Variants in PHACTR2 observed in about 807,000 individuals in gnomAD.
PHACTR2 encodes the protein phosphatase and actin regulator 2.
In PHACTR2, 30 loss-of-function variants were observed where a neutral mutation model predicts 76.0. The ratio of observed to expected loss-of-function variants is 0.39; its 90% CI spans 0.30 to 0.54. The LOEUF (loss-of-function observed/expected upper bound fraction) is 0.54, where lower values mean the gene tolerates loss of function less well. PHACTR2 is among the 20% of genes least tolerant of loss of function. PHACTR2 has a pLI of 0.61. For missense variants in PHACTR2, 696 were observed against 781.1 expected (o/e 0.89, Z 1.30); for synonymous variants, 292 against 292.5 (o/e 1.00, Z 0.02).
chr6:143,762,253 A>G (rs531032833), intron 5 of PHACTR2, among the ~76,000 whole-genome samples: 1 of 152,344 alleles, frequency 6.6e-6, no homozygotes, highest in African/African-American at 2.4e-5. Context: ...TCCACGTGGT[A>G]GTGGCTCACT....
chr6:143,709,491 A>G lies in PHACTR2; in HGVS notation c.47-2525A>G, dbSNP rs907550860. 6.6e-6 allele frequency among the ~76,000 whole-genome samples: 1 copy of G among 152,172 alleles called. No individual in the cohort carries two copies. The highest frequency in any genetic ancestry group is 6.5e-5 in the Admixed American group (1 of 15,280). Reference sequence around the variant, plus strand: ...GTGTGTCAAGTGATTTTCGATGGAAACTTGGACATTTTTGTATTATGTTAT... The same window carrying G: ...GTGTGTCAAGTGATTTTCGATGGAAGCTTGGACATTTTTGTATTATGTTAT... On this transcript the variant is annotated intron_variant, in intron 1 of 12. Transcript: ENST00000440869. This position sits in a 1 kb window ranked among gnomAD's most constrained non-coding sequence, Gnocchi z 4.4.
intron 2 of PHACTR2, among the ~76,000 whole-genome samples, chr6:143,719,653 A>G (rs1189078611): frequency 4.0e-5 from 6 of 149,738 alleles, no homozygotes; most frequent in Non-Finnish European, 8.9e-5. Context: ...CCTGGCCTAG[A>G]AGTGCTTTTA....
Position 143,761,669 on chromosome 6 carries a change from G to A in PHACTR2, c.694+1029G>A, listed in dbSNP as rs980064592. On this transcript the variant is annotated intron_variant, in intron 5 of 12. Coordinates refer to ENST00000440869, the MANE Select transcript of PHACTR2 (RefSeq NM_001100164.2). This position sits in a 1 kb window ranked among gnomAD's most constrained non-coding sequence, Gnocchi z 5.2. ...CTCAGGAGGCTGAGGCAGGAAAATC[G>A]CTTGAACCCAGGAGGCAGAAGTTGC... 6.6e-6 allele frequency among the ~76,000 whole-genome samples: 1 copy of A among 151,896 alleles called. No individual in the cohort carries two copies. Among genetic ancestry groups the A allele is most frequent in the Admixed American group, 6.6e-5 (1 of 15,246 alleles).
At chr6:143,736,005 A>G (rs118129074) in intron 2 of PHACTR2, among the ~76,000 whole-genome samples, 1,596 of 152,260 alleles carry the variant, frequency 0.01, 13 homozygotes, top group South Asian at 0.048. Context: ...AGTATTTACT[A>G]TGTGTCAGGC....
At position 143,627,787 on chromosome 6, in the gene PHACTR2, G is replaced by A. The variant is rs1189858785; in HGVS notation, c.13+19465G>A. 2.6e-5 allele frequency among the ~76,000 whole-genome samples: 4 copies of A among 151,988 alleles called. No homozygotes were observed. The highest frequency in any genetic ancestry group is 2.6e-4 in the Admixed American group (4 of 15,248). ...CAGCTAATTTTTTGTATTTTTAGTAGAGATGGAGTTTCACTATGTTAGCCA... is the reference window on the plus strand; with the variant it reads ...CAGCTAATTTTTTGTATTTTTAGTAAAGATGGAGTTTCACTATGTTAGCCA... On this transcript the variant is annotated intron_variant, in intron 1 of 11. Transcript: ENST00000305766. The surrounding 1 kb of genome is among the most constrained non-coding windows in gnomAD (Gnocchi z 4.3).
chr6:143,788,073 T>G (rs745754224), intron 10 of PHACTR2, among the ~76,000 whole-genome samples: 2 of 152,338 alleles, frequency 1.3e-5, no homozygotes, highest in Non-Finnish European at 2.9e-5. Flanking sequence ...CAAATCTGAA[T>G]TTGACAAAGA....
intron 1 of PHACTR2, among the ~76,000 whole-genome samples, chr6:143,576,830 C>T (rs1203102602): frequency 1.5e-5 from 2 of 137,234 alleles, no homozygotes; most frequent in African/African-American, 5.5e-5. Flanking sequence ...GAGCCGAACT[C>T]GTACCACTAC....
chr6:143,749,166 G>A (rs1009424850), intron 3 of PHACTR2, 101 bp downstream of exon 3: 2 of 662,328 alleles, frequency 3.0e-6, no homozygotes, highest in Admixed American at 2.6e-5. Context: ...TCTTTGTAAG[G>A]TAAAGCGGTG....
chr6:143,743,882 A>C lies in PHACTR2; in HGVS notation c.215-5103A>C, dbSNP rs1301061136. 6.6e-6 allele frequency among the ~76,000 whole-genome samples: 1 copy of C among 152,228 alleles called. No individual in the cohort carries two copies. The highest frequency in any genetic ancestry group is 2.4e-5 in the African/African-American group (1 of 41,464). The stretch of plus-strand genomic sequence containing the variant: ...TCCTCGCCAAAGAAAAACACAAGTG[A>C]CTTGTTGACTACAAGATTTACTCTC... On this transcript the variant is annotated intron_variant, in intron 2 of 12. Transcript: ENST00000440869. The surrounding 1 kb of genome is among the most constrained non-coding windows in gnomAD (Gnocchi z 5.0).
At position 143,570,383 on chromosome 6, in the gene PHACTR2, T is replaced by C. The variant is rs1372150842; in HGVS notation, c.217+33176T>C. On this transcript the variant is annotated intron_variant, in intron 1 of 11. Transcript: ENST00000367584. The surrounding 1 kb of genome is among the most constrained non-coding windows in gnomAD (Gnocchi z 4.6). ...CTTATGCAGGGTTTGTACTTCGGCT[T>C]CTCTCACTGTGCTGGAGATTAAAAT... 2.0e-5 allele frequency among the ~76,000 whole-genome samples: 3 copies of C among 152,182 alleles called. No homozygotes were observed. The highest frequency in any genetic ancestry group is 7.2e-5 in the African/African-American group (3 of 41,442).
intron 1 of PHACTR2, among the ~76,000 whole-genome samples, chr6:143,645,625 A>G (rs2128445010): frequency 6.6e-6 from 1 of 152,306 alleles, no homozygotes; most frequent in Non-Finnish European, 1.5e-5. Context: ...GAAAAATTTA[A>G]GTGACTATAT....
rs1399118915 is a variant in PHACTR2, at chr6:143,652,560, A to G, written c.13+44238A>G. 6.6e-6 allele frequency among the ~76,000 whole-genome samples: 1 copy of G among 152,310 alleles called. No individual in the cohort carries two copies. Among genetic ancestry groups the G allele is most frequent in the Non-Finnish European group, 1.5e-5 (1 of 68,030 alleles). On this transcript the variant is annotated intron_variant, in intron 1 of 11. Transcript: ENST00000305766. This position sits in a 1 kb window ranked among gnomAD's most constrained non-coding sequence, Gnocchi z 4.5. ...CTTGTGGATATTTGTGAGTACACTT[A>G]AGTGTTTTTGTTTTCCACTATGCTA...
Position 143,571,053 on chromosome 6 carries a change from G to A in PHACTR2, c.217+33846G>A, listed in dbSNP as rs1010216972. Among the ~76,000 whole-genome samples the A allele has an allele frequency of 1.3e-5, 2 of 152,034 alleles. No individual in the cohort carries two copies. The highest frequency in any genetic ancestry group is 2.1e-4 in the South Asian group (1 of 4,820). On this transcript the variant is annotated intron_variant, in intron 1 of 11. Transcript: ENST00000367584. This position sits in a 1 kb window ranked among gnomAD's most constrained non-coding sequence, Gnocchi z 4.6. ...TGCAAAACTGGTACATGGAGTTCTC[G>A]TATACTCTTCACCTGGACTCCCCAA...
In PHACTR2 at chr6:143,539,236, C is replaced by CG. The variant is rs1361451396; in HGVS notation, c.217+2031dup. 6.6e-6 allele frequency among the ~76,000 whole-genome samples: 1 copy of CG among 152,186 alleles called. No homozygotes were observed. The highest frequency in any genetic ancestry group is 1.5e-5 in the Non-Finnish European group (1 of 68,032). On this transcript the variant is annotated intron_variant, in intron 1 of 11. Transcript: ENST00000367584. This position sits in a 1 kb window ranked among gnomAD's most constrained non-coding sequence, Gnocchi z 4.3. ...CTTTGTCTTTTCTGTGTCCTCTTAA[C>CG]GGATGCTAGGAAGTGAAACCTTTCA...
rs562985484 is a variant in PHACTR2, at chr6:143,777,128, CTG to C, written c.1590-196_1590-195del. Among the ~76,000 whole-genome samples, 71 of 152,244 alleles carry C rather than the reference CTG, an allele frequency of 4.7e-4. No individual in the cohort carries two copies. Among genetic ancestry groups the C allele is most frequent in the African/African-American group, 1.7e-3 (70 of 41,540 alleles). On this transcript the variant is annotated intron_variant, in intron 8 of 12. Coordinates refer to ENST00000440869, the MANE Select transcript of PHACTR2 (RefSeq NM_001100164.2). This position sits in a 1 kb window ranked among gnomAD's most constrained non-coding sequence, Gnocchi z 4.6. ...GCTCTGTTGCTAAAAGGAAAGGAGA[CTG>C]TGTAATGGGGGTCGGTGAGCAGCCT... is the stretch of plus-strand genomic sequence containing the variant.
Position 143,546,976 on chromosome 6 carries a change from G to A in PHACTR2, c.217+9769G>A, listed in dbSNP as rs1342234120. Among the ~76,000 whole-genome samples the A allele has an allele frequency of 6.6e-6, 1 of 152,076 alleles. No homozygotes were observed. Among genetic ancestry groups the A allele is most frequent in the Admixed American group, 6.6e-5 (1 of 15,264 alleles). On this transcript the variant is annotated intron_variant, in intron 1 of 11. Transcript: ENST00000367584. The surrounding 1 kb of genome is among the most constrained non-coding windows in gnomAD (Gnocchi z 4.9). ...TGCTTGAATCCAGCAGTTCGATGCT[G>A]CAGTGAGCTGTGATTGTGGCACTGC...
At chr6:143,748,090 A>C (rs1441853693) in intron 2 of PHACTR2, among the ~76,000 whole-genome samples, 1 of 150,376 alleles carries the variant, frequency 6.6e-6, no homozygotes, top group Non-Finnish European at 1.5e-5. Context: ...TCTGAGATGG[A>C]GTTTCGCTCT....
chr6:143,761,249 A>G lies in PHACTR2; in HGVS notation c.694+609A>G, dbSNP rs1201431386. Among the ~76,000 whole-genome samples, 1 of 152,178 alleles carries G rather than the reference A, an allele frequency of 6.6e-6. No homozygotes were observed. Among genetic ancestry groups the G allele is most frequent in the Non-Finnish European group, 1.5e-5 (1 of 68,038 alleles). ...TCAGTGTTCCACACCTCCCCTGTAG[A>G]CTTGTGTGTTCTAAGGCAAAACATC... On this transcript the variant is annotated intron_variant, in intron 5 of 12. Transcript: ENST00000440869. This position sits in a 1 kb window ranked among gnomAD's most constrained non-coding sequence, Gnocchi z 5.2.
chr6:143,748,020 A>G (rs1415862593), intron 2 of PHACTR2, among the ~76,000 whole-genome samples: 1 of 152,168 alleles, frequency 6.6e-6, no homozygotes, highest in Non-Finnish European at 1.5e-5. Flanking sequence ...GGAAGAATCA[A>G]TGTTAAGATC....
Sources: allele counts gnomAD v4.1 joint callset (sites outside exome capture counted in the v4.1 genomes callset), GRCh38; gene constraint gnomAD v4.1.1; non-coding constraint Gnocchi (gnomAD v3.1); transcripts MANE v1.5; gene names NCBI Gene and HGNC (gene_info 2026-07-23, HGNC 2026-07-21).